The following CHIC1 variants were observed in gnomAD, a reference collection of about 807,000 sequenced individuals.
CHIC1 encodes the protein cysteine-rich hydrophobic domain-containing protein 1.
In CHIC1, 7 loss-of-function variants were observed where a neutral mutation model predicts 18.5. The ratio of observed to expected loss-of-function variants is 0.38; its 90% CI spans 0.22 to 0.71. The LOEUF is 0.71. CHIC1 is among the 30% of genes least tolerant of loss of function. The probability of loss-of-function intolerance (pLI) is 0.49; values close to 1 mark genes in which losing one functional copy is unlikely to be tolerated. For missense variants in CHIC1, 159 were observed against 176.9 expected (o/e 0.90, Z 0.57); for synonymous variants, 77 against 73.5 (o/e 1.05, Z -0.25).
intron 3 of CHIC1, among the ~76,000 whole-genome samples, chrX:73,655,475 C>CACAATATTGTGTATATATATATACAT (rs2057940324): frequency 3.5e-5 from 2 of 57,158 alleles, no homozygotes; most frequent in Non-Finnish European, 6.9e-5. Flanking sequence ...TATATATATA[C>CACAATATTGTGTATATATATATACAT]ATATATACAC....
At chrX:73,673,994 C>A (rs2058047379) in intron 3 of CHIC1, among the ~76,000 whole-genome samples, 1 of 111,942 alleles carries the variant, frequency 8.9e-6, no homozygotes, top group South Asian at 3.7e-4. Context: ...TTTTCTGCAT[C>A]TATTGCGATA....
intron 3 of CHIC1, among the ~76,000 whole-genome samples, chrX:73,668,239 A>G (rs975858119): frequency 2.7e-5 from 3 of 111,866 alleles, no homozygotes; most frequent in Non-Finnish European, 5.6e-5. Flanking sequence ...TAAACTGGCT[A>G]TTTTGGCTGT....
Position 73,563,416 on chromosome X carries a change from C to A in CHIC1, c.132C>A (p.Asp44Glu). ...SSSSVSGPDD[D>E]EEDEEEEEEE... ...CGTCGGTATCTGGGCCCGACGATGA[C>A]GAGGAGGATGAGGAGGAAGAGGAGG... The change falls in exon 1 of 6, where the codon GAC (aspartate) becomes GAA (glutamate). Residue 44 changes from aspartate to glutamate, a missense_variant. By Grantham distance (45) the Asp-to-Glu change is conservative. Coordinates refer to ENST00000373502, the MANE Select transcript of CHIC1 (RefSeq NM_001039840.4). The A allele has an allele frequency of 8.7e-7, 1 of 1,152,040 alleles. No homozygotes were observed. The highest frequency in any genetic ancestry group is 1.8e-5 in the African/African-American group (1 of 54,579). 94.9% of individuals were successfully genotyped at this position (1,152,040 alleles called of 1,213,427 possible).
chrX:73,592,022 A>G (rs756548357), intron 3 of CHIC1, among the ~76,000 whole-genome samples: 15 of 111,410 alleles, frequency 1.3e-4, no homozygotes, highest in South Asian at 1.1e-3. Flanking sequence ...CATTTTTTCA[A>G]TAATCACAAA....
intron 3 of CHIC1, among the ~76,000 whole-genome samples, chrX:73,593,869 C>A (rs1321338472): frequency 9.0e-6 from 1 of 111,333 alleles, no homozygotes; most frequent in East Asian, 2.9e-4. Context: ...CTTTGAATTT[C>A]TTTGCCATCC....
intron 3 of CHIC1, among the ~76,000 whole-genome samples, chrX:73,620,937 C>T (rs904630744): frequency 1.8e-5 from 2 of 112,148 alleles, no homozygotes; most frequent in East Asian, 5.6e-4. Context: ...GTTTTCACAA[C>T]ACCATTTATT....
chrX:73,600,039 G>A (rs1278364135), intron 3 of CHIC1, among the ~76,000 whole-genome samples: 2 of 102,153 alleles, frequency 2.0e-5, no homozygotes, highest in East Asian at 2.9e-4. Context: ...TCCTTGAAGA[G>A]GTCCTTCACA....
At chrX:73,581,372 C>T (rs2057526412) in intron 2 of CHIC1, among the ~76,000 whole-genome samples, 1 of 110,937 alleles carries the variant, frequency 9.0e-6, no homozygotes, top group Admixed American at 9.6e-5. Context: ...TTCTTTACAA[C>T]CTACTGTTCA....
chrX:73,636,414 G>A (rs1235181540), intron 3 of CHIC1, among the ~76,000 whole-genome samples: 4 of 111,023 alleles, frequency 3.6e-5, no homozygotes, highest in East Asian at 2.9e-4. Flanking sequence ...ACTCCTGAGA[G>A]GCTGGAACTA....
chrX:73,657,367 T>C (rs948224153), intron 3 of CHIC1, among the ~76,000 whole-genome samples: 1 of 111,986 alleles, frequency 8.9e-6, no homozygotes, highest in Non-Finnish European at 1.9e-5. Flanking sequence ...CCGTATTTTA[T>C]ACTCTTATTG....
intron 1 of CHIC1, among the ~76,000 whole-genome samples, chrX:73,569,466 G>T (rs2057459778): frequency 9.0e-6 from 1 of 111,346 alleles, no homozygotes; most frequent in African/African-American, 3.3e-5. Context: ...AGCTGGGTCG[G>T]CTTCAAACAT....
intron 1 of CHIC1, among the ~76,000 whole-genome samples, chrX:73,568,618 C>T (rs1261052107): frequency 1.8e-5 from 2 of 111,074 alleles, no homozygotes; most frequent in African/African-American, 3.3e-5. Context: ...TATTACATCA[C>T]ATGAGGTTTT....
At chrX:73,675,789 T>G (rs904041978) in intron 3 of CHIC1, among the ~76,000 whole-genome samples, 17 of 110,995 alleles carry the variant, frequency 1.5e-4, no homozygotes, top group Non-Finnish European at 3.0e-4. Flanking sequence ...GTTAGCTGGT[T>G]ATTTTGCTCG....
In CHIC1 at chrX:73,594,332, G is replaced by A. The variant is rs1013047184; in HGVS notation, c.507+9760G>A. 1.0e-4 allele frequency among the ~76,000 whole-genome samples: 11 copies of A among 110,336 alleles called. No homozygotes were observed. The East Asian group carries it at 2.0e-3, about 20-fold the overall frequency. On this transcript the variant is annotated intron_variant, in intron 3 of 5. Coordinates refer to ENST00000373502, the MANE Select transcript of CHIC1 (RefSeq NM_001039840.4). Reference sequence around the variant, plus strand: ...ATTACAGGCACCTGCTATCATGCCCGGCTAATTTTTGTATTTGTGTAGAGA... The same window carrying A: ...ATTACAGGCACCTGCTATCATGCCCAGCTAATTTTTGTATTTGTGTAGAGA...
At chrX:73,647,973 G>T (rs1438722486) in intron 3 of CHIC1, among the ~76,000 whole-genome samples, 1 of 111,512 alleles carries the variant, frequency 9.0e-6, no homozygotes, top group East Asian at 2.8e-4. Flanking sequence ...CTGACATCAG[G>T]TCAATGTCCC....
chrX:73,576,588 G>T (rs1305828970), intron 1 of CHIC1, among the ~76,000 whole-genome samples: 1 of 110,644 alleles, frequency 9.0e-6, no homozygotes. Context: ...ATTGGTAGCT[G>T]TTACTGTTAT....
intron 3 of CHIC1, among the ~76,000 whole-genome samples, chrX:73,676,561 G>A (rs999954778): frequency 3.6e-5 from 4 of 111,605 alleles, no homozygotes; most frequent in Admixed American, 1.9e-4. Context: ...CGTAGCTCTC[G>A]TGCCTTGGTT....
chrX:73,585,818 AT>A (rs1159673345), intron 3 of CHIC1, among the ~76,000 whole-genome samples: 3 of 108,973 alleles, frequency 2.8e-5, no homozygotes, highest in South Asian at 7.8e-4. Flanking sequence ...AAGGAGAAAC[AT>A]TTTTTTTTCA....
rs773797371 is a variant in CHIC1, at chrX:73,641,891, G to C, written c.508-37435G>C. Among the ~76,000 whole-genome samples, 552 of 111,695 alleles carry C rather than the reference G, an allele frequency of 4.9e-3. 9 individuals carry two copies. The highest frequency in any genetic ancestry group is 0.017 in the African/African-American group (533 of 30,600). ...GCATAGTATTCCATGGTGTATATGT[G>C]CCACATTTTCTTAATCCAGTCTATC... is the stretch of plus-strand genomic sequence containing the variant. On this transcript the variant is annotated intron_variant, in intron 3 of 5. Coordinates refer to ENST00000373502, the MANE Select transcript of CHIC1 (RefSeq NM_001039840.4).
Sources: gnomAD v4.1 joint callset for allele counts (sites outside exome capture counted in the v4.1 genomes callset) on GRCh38, gnomAD v4.1.1 for gene constraint, MANE v1.5 for transcripts, NCBI Gene and HGNC (gene_info 2026-07-23, HGNC 2026-07-21) for gene names.